HEATR1: variants seen among roughly 807,000 people sequenced by gnomAD.
HEATR1 encodes HEAT repeat containing 1.
HEATR1 carries 77 observed loss-of-function variants against 248.2 expected under a neutral mutation model. The ratio of observed to expected loss-of-function variants is 0.31; its 90% CI spans 0.26 to 0.37. HEATR1 has a LOEUF of 0.37. HEATR1 is among the 10% of genes least tolerant of loss of function. HEATR1 has a pLI of 1.00. For missense variants in HEATR1, 2,420 were observed against 2,504.9 expected (o/e 0.97, Z 0.72); for synonymous variants, 897 against 923.1 (o/e 0.97, Z 0.51).
At position 236,561,222 on chromosome 1, in the gene HEATR1, T is replaced by C. The variant is rs1197120987; in HGVS notation, c.4646+3A>G. On this transcript the variant is annotated splice_donor_region_variant and intron_variant, in intron 33 of 44. Coordinates refer to ENST00000366582, the MANE Select transcript of HEATR1 (RefSeq NM_018072.6). ...AAAAGTAGAAAAAGAAAAGGAAACATACCTCTCTTCAAGGCCTTTTAAAAT... is the reference window on the plus strand; with the variant it reads ...AAAAGTAGAAAAAGAAAAGGAAACACACCTCTCTTCAAGGCCTTTTAAAAT... 3.1e-6 allele frequency: 5 copies of C among 1,599,288 alleles called. No homozygotes were observed. Among genetic ancestry groups the C allele is most frequent in the Non-Finnish European group, 4.3e-6 (5 of 1,167,480 alleles).
At chr1:236,578,974 T>C (rs1013061138) in intron 20 of HEATR1, among the ~76,000 whole-genome samples, 1 of 152,222 alleles carries the variant, frequency 6.6e-6, no homozygotes, top group African/African-American at 2.4e-5. Context: ...TTATTTCATA[T>C]CTACTGCAGC....
chr1:236,595,226 G>A (rs1048947598), intron 8 of HEATR1, among the ~76,000 whole-genome samples: 3 of 150,870 alleles, frequency 2.0e-5, no homozygotes, highest in Admixed American at 1.3e-4. Flanking sequence ...ATACCTAAAT[G>A]AGAAGGCAAA....
At position 236,549,005 on chromosome 1, in the gene HEATR1, T is replaced by C. The variant is rs1662584415; in HGVS notation, c.*1897A>G. On this transcript the variant is annotated 3_prime_UTR_variant, in exon 45 of 45. Coordinates refer to ENST00000366582, the MANE Select transcript of HEATR1 (RefSeq NM_018072.6). ...AAGTTTCAGGAAGAGGCAAGATGCA[T>C]TCAATTTGAAAGATATTTATGGGCA... The C allele has an allele frequency of 2.5e-6, 1 of 398,480 alleles. No individual in the cohort carries two copies. Among genetic ancestry groups the C allele is most frequent in the African/African-American group, 2.1e-5 (1 of 48,606 alleles). The allele number at this position is 398,480 out of a possible 1,614,324, so 24.7% of individuals were successfully genotyped here.
chr1:236,592,484 A>G (rs1165592723), intron 10 of HEATR1, 39 bp downstream of exon 10: 2 of 797,556 alleles, frequency 2.5e-6, no homozygotes, highest in Non-Finnish European at 4.4e-6. Flanking sequence ...TAGAACAGGA[A>G]GTACTTTAGA....
At chr1:236,601,830 T>TA (rs1294268268) in intron 3 of HEATR1, among the ~76,000 whole-genome samples, 1 of 144,658 alleles carries the variant, frequency 6.9e-6, no homozygotes, top group Non-Finnish European at 1.5e-5. Context: ...TGACACTCAA[T>TA]AAAATAAAAA....
chr1:236,581,566 T>C lies in HEATR1; in HGVS notation c.2563-152A>G, dbSNP rs1213421936. The C allele has an allele frequency of 3.3e-5, 18 of 538,518 alleles. No homozygotes were observed. In the South Asian group the frequency reaches 5.2e-4, roughly 16 times the overall value. The allele number at this position is 538,518 out of a possible 1,614,324, so 33.4% of individuals were successfully genotyped here. A position where few individuals can be genotyped will look rare whatever the true frequency, so the allele number is the denominator to read the frequency against. The stretch of plus-strand genomic sequence containing the variant: ...TCATTTCAAATTATTCCATATTCCA[T>C]GTTTTAATGAACTGGGAAGATGTCA... On this transcript the variant is annotated intron_variant, in intron 19 of 44. Transcript: ENST00000366582.
At chr1:236,587,602 C>G in intron 13 of HEATR1, 112 bp from the exon 14 acceptor site, 1 of 481,176 alleles carries the variant, frequency 2.1e-6, no homozygotes, top group Admixed American at 4.1e-5. Context: ...TCCCAGGAAT[C>G]CTAGTACAAA....
At chr1:236,600,906 A>C (rs1406547559) in intron 3 of HEATR1, among the ~76,000 whole-genome samples, 1 of 152,212 alleles carries the variant, frequency 6.6e-6, no homozygotes, top group Middle Eastern at 3.2e-3. Context: ...AGGCAGAACT[A>C]TATCCACAAA....
At chr1:236,565,843 AAGG>A (rs559153541) in intron 31 of HEATR1, 73 bp downstream of exon 31, 2 of 1,383,030 alleles carry the variant, frequency 1.4e-6, no homozygotes, top group Non-Finnish European at 2.0e-6. Context: ...AAGATGTACT[AAGG>A]ATAACCTGCA....
rs752915456 is a variant in HEATR1 at position 236,558,337 on chromosome 1, G to C, written c.5104C>G (p.Pro1702Ala). ...VLNTAVKLIA[P>A]ERKEEKNVLG... is the part of the protein sequence containing the mutation. ...ACATTCTTCTCCTCCTTTCTCTCTG[G>C]AGCAATCAGTTTCACAGCAGTGTTC... Residue 1702 changes from proline (P) to alanine (A), a missense_variant, in exon 36 of 45, where the codon CCA becomes GCA. By Grantham distance (27) the Pro-to-Ala change is conservative (BLOSUM62 -1). Transcript: ENST00000366582. 16 of 1,614,128 alleles carry C rather than the reference G, an allele frequency of 9.9e-6. No individual in the cohort carries two copies. Among genetic ancestry groups the C allele is most frequent in the African/African-American group, 1.3e-5 (1 of 75,020 alleles).
At chr1:236,556,869 A>T (rs1007685781) in intron 37 of HEATR1, among the ~76,000 whole-genome samples, 1 of 152,174 alleles carries the variant, frequency 6.6e-6, no homozygotes, top group African/African-American at 2.4e-5. Context: ...GGGCCCATCA[A>T]TTTCCACAAG....
At chr1:236,599,838 T>C (rs1363181315) in intron 3 of HEATR1, among the ~76,000 whole-genome samples, 1 of 152,200 alleles carries the variant, frequency 6.6e-6, no homozygotes, top group Non-Finnish European at 1.5e-5. Flanking sequence ...CTATGCAATA[T>C]CTTTGAATAT....
chr1:236,593,745 G>A (rs1050618180), intron 9 of HEATR1, among the ~76,000 whole-genome samples: 2 of 152,078 alleles, frequency 1.3e-5, no homozygotes, highest in South Asian at 2.1e-4. Context: ...AACTTCAAAC[G>A]GCCACAAACT....
chr1:236,581,432 A>G lies in HEATR1; in HGVS notation c.2563-18T>C. 2 of 1,478,294 alleles carry G rather than the reference A, an allele frequency of 1.4e-6. No individual in the cohort carries two copies. The highest frequency in any genetic ancestry group is 1.4e-5 in the South Asian group (1 of 70,930). The allele number at this position is 1,478,294 out of a possible 1,614,324, so 91.6% of individuals were successfully genotyped here. A position where few individuals can be genotyped will look rare whatever the true frequency, so the allele number is the denominator to read the frequency against. On this transcript the variant is annotated intron_variant, in intron 19 of 44. Transcript: ENST00000366582. ...AGATGCACCTAATTAAAAAAAAAAAAAAGCAAACTTTTAATTCTTACTCAA... is the reference window on the plus strand; with the variant it reads ...AGATGCACCTAATTAAAAAAAAAAAGAAGCAAACTTTTAATTCTTACTCAA...
At chr1:236,577,489 CT>C (rs34171040) in intron 20 of HEATR1, among the ~76,000 whole-genome samples, 20,071 of 140,430 alleles carry the variant, frequency 0.14, 2,114 homozygotes, top group African/African-American at 0.29. Context: ...TTACATCATT[CT>C]TTTTTTTTTT....
intron 15 of HEATR1, 58 bp downstream of exon 15, chr1:236,586,183 C>T: frequency 7.1e-7 from 1 of 1,408,946 alleles, no homozygotes; most frequent in South Asian, 1.3e-5. Flanking sequence ...TTAAATTTTC[C>T]TTGTTTTCTT....
intron 3 of HEATR1, among the ~76,000 whole-genome samples, chr1:236,599,923 T>C (rs958742271): frequency 6.6e-6 from 1 of 152,220 alleles, no homozygotes; most frequent in Non-Finnish European, 1.5e-5. Context: ...AATAGAGTCT[T>C]GCTCTGCCAC....
intron 17 of HEATR1, 51 bp from the exon 18 acceptor site, chr1:236,583,247 T>C (rs1216784084): frequency 6.8e-7 from 1 of 1,460,818 alleles, no homozygotes; most frequent in Non-Finnish European, 9.3e-7. Context: ...GTTCTGAACA[T>C]GGGTTATATG....
intron 19 of HEATR1, among the ~76,000 whole-genome samples, chr1:236,582,436 CT>C (rs71738766): frequency 0.59 from 87,734 of 149,280 alleles, 27,474 homozygotes; most frequent in Non-Finnish European, 0.69. Flanking sequence ...GAGTCTCACT[CT>C]TGTCACCCAG....
Sources: gnomAD v4.1 joint callset for allele counts (sites outside exome capture counted in the v4.1 genomes callset) on GRCh38, gnomAD v4.1.1 for gene constraint, MANE v1.5 for transcripts, NCBI Gene and HGNC (gene_info 2026-07-23, HGNC 2026-07-21) for gene names.